The following PRKN variants were observed in gnomAD, a reference collection of about 807,000 sequenced individuals.
PRKN encodes the protein parkin RBR E3 ubiquitin protein ligase.
In PRKN, 56 loss-of-function variants were observed where a neutral mutation model predicts 59.5. The observed-to-expected ratio is 0.94, with a 90% CI of 0.76 to 1.18. PRKN has a LOEUF of 1.18. PRKN is among the 50% of genes most tolerant of loss of function. The pLI is 0.00. For missense variants in PRKN, 657 were observed against 596.4 expected (o/e 1.10, Z -1.06); for synonymous variants, 250 against 222.1 (o/e 1.13, Z -1.12).
At chr6:161,863,325 TAAA>T (rs34638710) in intron 6 of PRKN, among the ~76,000 whole-genome samples, 5 of 147,424 alleles carry the variant, frequency 3.4e-5, no homozygotes, top group African/African-American at 1.2e-4. Flanking sequence ...TTGGATTTAT[TAAA>T]AAAAAAAAGG....
At chr6:161,629,069 G>A (rs1043291427) in intron 7 of PRKN, among the ~76,000 whole-genome samples, 3 of 152,194 alleles carry the variant, frequency 2.0e-5, no homozygotes, top group East Asian at 1.9e-4. Flanking sequence ...AACCAGCACC[G>A]AGGAATGGCG....
chr6:161,879,403 A>G lies in PRKN; in HGVS notation c.735-93495T>C, dbSNP rs574389938. 2.8e-3 allele frequency among the ~76,000 whole-genome samples: 402 copies of G among 143,616 alleles called. 4 individuals are homozygous for G. The highest frequency in any genetic ancestry group is 7.2e-3 in the South Asian group (33 of 4,600). The allele number at this position is 143,616 out of a possible 152,430, so 94.2% of individuals were successfully genotyped here. A position where few individuals can be genotyped will look rare whatever the true frequency, so the allele number is the denominator to read the frequency against. On this transcript the variant is annotated intron_variant, in intron 6 of 11. Coordinates refer to ENST00000366898, the MANE Select transcript of PRKN (RefSeq NM_004562.3). ...CTGTTGCCCAGGCTGGGTGGAGTAC[A>G]GTGGTGCAATCTTGGCTCACTGCAA...
intron 1 of PRKN, among the ~76,000 whole-genome samples, chr6:162,514,293 T>C (rs557957990): frequency 6.6e-6 from 1 of 151,960 alleles, no homozygotes; most frequent in East Asian, 1.9e-4. Context: ...TCTGAAAAAG[T>C]AAACTGAATC....
At chr6:162,575,097 AG>A (rs1780505203) in intron 1 of PRKN, among the ~76,000 whole-genome samples, 1 of 152,144 alleles carries the variant, frequency 6.6e-6, no homozygotes, top group Non-Finnish European at 1.5e-5. Flanking sequence ...AATGGCTACT[AG>A]GTCTCCTCTC....
chr6:161,952,067 G>A (rs1780010401), intron 6 of PRKN, among the ~76,000 whole-genome samples: 1 of 152,096 alleles, frequency 6.6e-6, no homozygotes, highest in Admixed American at 6.6e-5. Flanking sequence ...AAATTTGATT[G>A]TGCTAAGTTA....
chr6:162,180,167 G>A (rs1384645635), intron 4 of PRKN, among the ~76,000 whole-genome samples: 1 of 152,114 alleles, frequency 6.6e-6, no homozygotes, highest in African/African-American at 2.4e-5. Flanking sequence ...CTGAGGAAGT[G>A]ACAAGGATGA....
chr6:161,880,350 C>T (rs1794886499), intron 6 of PRKN, among the ~76,000 whole-genome samples: 1 of 152,080 alleles, frequency 6.6e-6, no homozygotes, highest in African/African-American at 2.4e-5. Context: ...TTTGAACATG[C>T]ATATTTAGAG....
chr6:162,493,203 T>C (rs182887938), intron 1 of PRKN, among the ~76,000 whole-genome samples: 2 of 152,212 alleles, frequency 1.3e-5, no homozygotes, highest in East Asian at 1.9e-4. Flanking sequence ...CATCCCTTTA[T>C]GTAGAGGAAG....
At chr6:161,946,743 C>T (rs1779796706) in intron 6 of PRKN, among the ~76,000 whole-genome samples, 1 of 152,098 alleles carries the variant, frequency 6.6e-6, no homozygotes, top group Non-Finnish European at 1.5e-5. Flanking sequence ...TACATGTACA[C>T]TGCTGTTAAT....
chr6:162,251,375 A>G (rs1194429214), intron 3 of PRKN, among the ~76,000 whole-genome samples: 1 of 152,116 alleles, frequency 6.6e-6, no homozygotes, highest in Non-Finnish European at 1.5e-5. Flanking sequence ...GGCCTCAACC[A>G]TTATGGAATA....
rs778219042 is a variant in PRKN at position 161,634,780 on chromosome 6, A to C, written c.872-65364T>G. Among the ~76,000 whole-genome samples the C allele has an allele frequency of 7.2e-4, 110 of 152,356 alleles. 2 individuals are homozygous for C. The highest frequency in any genetic ancestry group is 3.6e-3 in the Admixed American group (55 of 15,308). ...ATTAGTAGGCTTCAAGCAGGTCATA[A>C]GAACTCAAAAAAGTCCAACTAATCA... On this transcript the variant is annotated intron_variant, in intron 7 of 11. Transcript: ENST00000366898.
intron 7 of PRKN, among the ~76,000 whole-genome samples, chr6:161,727,796 TA>T (rs1787507982): frequency 6.6e-6 from 1 of 152,178 alleles, no homozygotes; most frequent in South Asian, 2.1e-4. Flanking sequence ...CTATGCAACT[TA>T]CAAAAAGGTT....
intron 5 of PRKN, among the ~76,000 whole-genome samples, chr6:162,038,123 T>C (rs959188971): frequency 1.4e-4 from 21 of 152,010 alleles, no homozygotes; most frequent in African/African-American, 3.9e-4. Flanking sequence ...TCAACTGGTA[T>C]AGATTATTAT....
chr6:161,893,996 C>T (rs1777513224), intron 6 of PRKN, among the ~76,000 whole-genome samples: 1 of 152,192 alleles, frequency 6.6e-6, no homozygotes, highest in African/African-American at 2.4e-5. Flanking sequence ...TAAAAAGCCA[C>T]ATTCATTATC....
intron 1 of PRKN, among the ~76,000 whole-genome samples, chr6:162,480,323 A>C (rs1792243207): frequency 6.6e-6 from 1 of 152,156 alleles, no homozygotes; most frequent in Non-Finnish European, 1.5e-5. Flanking sequence ...CCACCCTTGC[A>C]GATGTGGTCT....
At chr6:162,281,949 G>A (rs1029594027) in intron 2 of PRKN, among the ~76,000 whole-genome samples, 21 of 152,080 alleles carry the variant, frequency 1.4e-4, no homozygotes, top group Admixed American at 8.5e-4. Flanking sequence ...TTAGATTCTC[G>A]TAAGAAGCAC....
intron 2 of PRKN, among the ~76,000 whole-genome samples, chr6:162,422,974 A>G (rs1385397090): frequency 1.3e-5 from 2 of 150,832 alleles, no homozygotes; most frequent in African/African-American, 4.9e-5. Flanking sequence ...AAAAAAAAAA[A>G]AAAGCATCAT....
chr6:162,374,348 T>C (rs1562711268), intron 2 of PRKN, among the ~76,000 whole-genome samples: 1 of 151,770 alleles, frequency 6.6e-6, no homozygotes, highest in Non-Finnish European at 1.5e-5. Context: ...CTCTGTGTGT[T>C]GAAATTTTTT....
chr6:162,609,194 G>A (rs952423393), intron 1 of PRKN, among the ~76,000 whole-genome samples: 2 of 152,110 alleles, frequency 1.3e-5, no homozygotes, highest in East Asian at 1.9e-4. Flanking sequence ...ACCTTCTCAG[G>A]GTCATGCATT....
Sources: allele counts gnomAD v4.1 joint callset (sites outside exome capture counted in the v4.1 genomes callset), GRCh38; gene constraint gnomAD v4.1.1; transcripts MANE v1.5; gene names NCBI Gene and HGNC (gene_info 2026-07-23, HGNC 2026-07-21).